TENM1: variants seen among roughly 807,000 people sequenced by gnomAD.
TENM1 encodes the protein teneurin transmembrane protein 1.
Under a neutral mutation model 174.8 loss-of-function variants are expected in TENM1, and 35 were observed. The observed-to-expected ratio is 0.20, with a 90% CI of 0.15 to 0.27. TENM1 has a LOEUF of 0.27. Ranked by LOEUF, TENM1 falls within the 10% of genes least tolerant of loss-of-function variation. The pLI is 1.00. For missense variants in TENM1, 1,633 were observed against 2,130.1 expected, an observed-to-expected ratio of 0.77 and a Z score of 4.59; for synonymous variants, 781 against 798.7, an observed-to-expected ratio of 0.98 and a Z score of 0.37.
the TENM1 span, among the ~76,000 whole-genome samples, chrX:124,972,449 T>C: frequency 9.1e-6 from 1 of 109,728 alleles, no homozygotes; most frequent in African/African-American, 3.3e-5. Flanking sequence ...AAACCAAGAG[T>C]TTTTCCAAAA....
chrX:124,508,947 C>A (rs940036523), intron 18 of TENM1, among the ~76,000 whole-genome samples: 1 of 111,639 alleles, frequency 9.0e-6, no homozygotes, highest in African/African-American at 3.3e-5. Flanking sequence ...TGCAATATTT[C>A]ATGGGTACCT....
chrX:125,053,200 T>C, the TENM1 span, among the ~76,000 whole-genome samples: 1 of 111,903 alleles, frequency 8.9e-6, no homozygotes, highest in Non-Finnish European at 1.9e-5. Flanking sequence ...AACAGATGAC[T>C]CCAAAATCAA....
intron 5 of TENM1, among the ~76,000 whole-genome samples, chrX:124,687,558 A>C (rs1456443392): frequency 8.9e-6 from 1 of 112,474 alleles, no homozygotes; most frequent in African/African-American, 3.2e-5. Flanking sequence ...AGCAATTGCA[A>C]CAAAAGCTAA....
At chrX:124,756,310 G>A (rs1188366742) in intron 3 of TENM1, among the ~76,000 whole-genome samples, 1 of 102,207 alleles carries the variant, frequency 9.8e-6, no homozygotes, top group Non-Finnish European at 1.9e-5. Context: ...CATTCTTCAC[G>A]TAGTTCTCGA....
At chrX:124,586,208 A>C (rs754281579) in intron 11 of TENM1, among the ~76,000 whole-genome samples, 1 of 111,284 alleles carries the variant, frequency 9.0e-6, no homozygotes, top group African/African-American at 3.3e-5. Context: ...TCATCCTGAT[A>C]CCAAAGCCGG....
intron 4 of TENM1, among the ~76,000 whole-genome samples, chrX:124,713,926 G>T (rs2053120860): frequency 8.9e-6 from 1 of 112,012 alleles, no homozygotes; most frequent in African/African-American, 3.2e-5. Context: ...ATAAATCAAA[G>T]AAATAGTTGA....
intron 3 of TENM1, among the ~76,000 whole-genome samples, chrX:124,835,224 A>C (rs994733786): frequency 2.0e-4 from 22 of 112,223 alleles, no homozygotes; most frequent in Non-Finnish European, 7.5e-5. Context: ...AGCACACAGG[A>C]GGTACTCAGT....
intron 3 of TENM1, among the ~76,000 whole-genome samples, chrX:124,779,937 T>A (rs768692656): frequency 2.7e-5 from 3 of 111,991 alleles, no homozygotes; most frequent in Non-Finnish European, 5.6e-5. Flanking sequence ...CTTAAGTCTG[T>A]CTGACCTCAA....
chrX:124,454,216 T>C, intron 22 of TENM1, among the ~76,000 whole-genome samples: 1 of 111,598 alleles, frequency 9.0e-6, no homozygotes, highest in East Asian at 2.8e-4. Context: ...GTGACTCTGA[T>C]TGAGTCATTC....
the TENM1 span, among the ~76,000 whole-genome samples, chrX:124,976,716 C>T: frequency 9.0e-6 from 1 of 111,275 alleles, no homozygotes; most frequent in Non-Finnish European, 1.9e-5. Flanking sequence ...TATTAGGTGT[C>T]AGTCTATAAC....
intron 3 of TENM1, among the ~76,000 whole-genome samples, chrX:124,751,103 G>A (rs2054053581): frequency 9.0e-6 from 1 of 111,676 alleles, no homozygotes; most frequent in South Asian, 3.7e-4. Context: ...GAAAATATCA[G>A]AAGAGGCTGC....
At chrX:124,608,420 C>T (rs1260029305) in intron 11 of TENM1, among the ~76,000 whole-genome samples, 3 of 111,328 alleles carry the variant, frequency 2.7e-5, no homozygotes, top group Admixed American at 9.6e-5. Flanking sequence ...GCCTTACCAT[C>T]GCTCCAATAA....
chrX:124,827,955 T>C (rs10453793), intron 3 of TENM1, among the ~76,000 whole-genome samples: 21 of 111,525 alleles, frequency 1.9e-4, no homozygotes, highest in African/African-American at 6.5e-4. Context: ...ATCCTTTATA[T>C]GTATATATTT....
the TENM1 span, among the ~76,000 whole-genome samples, chrX:125,117,933 A>G: frequency 1.8e-5 from 2 of 111,608 alleles, no homozygotes; most frequent in Non-Finnish European, 1.9e-5. Flanking sequence ...TGTTTATTGC[A>G]ACACTAACAA....
chrX:124,805,283 T>G (rs2055564091), intron 3 of TENM1, among the ~76,000 whole-genome samples: 1 of 111,824 alleles, frequency 8.9e-6, no homozygotes, highest in African/African-American at 3.3e-5. Flanking sequence ...TGTGTTGTGC[T>G]GAGGAGATTG....
the TENM1 span, among the ~76,000 whole-genome samples, chrX:125,059,885 G>T: frequency 9.0e-6 from 1 of 110,622 alleles, no homozygotes; most frequent in South Asian, 3.8e-4. Context: ...ACATATTACT[G>T]TGAAGGTGTT....
chrX:124,812,402 C>G (rs1252617609), intron 3 of TENM1, among the ~76,000 whole-genome samples: 1 of 111,342 alleles, frequency 9.0e-6, no homozygotes, highest in Admixed American at 9.5e-5. Context: ...AACAAGTAAT[C>G]TCAATTATTG....
the TENM1 span, among the ~76,000 whole-genome samples, chrX:124,990,730 A>G: frequency 8.9e-6 from 1 of 112,331 alleles, no homozygotes. Context: ...CTCAGTAATT[A>G]ATCTGCTGCT....
At chrX:124,688,332 C>T (rs2052424284) in intron 5 of TENM1, among the ~76,000 whole-genome samples, 1 of 109,289 alleles carries the variant, frequency 9.2e-6, no homozygotes, top group Admixed American at 9.9e-5. Context: ...TCACTGCAAC[C>T]TCCACCTCCC....
Sources: allele counts gnomAD v4.1 joint callset (sites outside exome capture counted in the v4.1 genomes callset), GRCh38; gene constraint gnomAD v4.1.1; transcripts MANE v1.5; gene names NCBI Gene and HGNC (gene_info 2026-07-23, HGNC 2026-07-21).